Variants in HDX observed in about 807,000 individuals in gnomAD.
HDX encodes chromosome X open reading frame 43.
HDX carries 19 observed loss-of-function variants against 45.2 expected under a neutral mutation model. The observed-to-expected ratio is 0.42, with a 90% confidence interval of 0.29 to 0.62. HDX has a LOEUF of 0.62. HDX is among the 20% of genes least tolerant of loss of function. The pLI is 0.20. For missense variants in HDX, 532 were observed against 493.9 expected, an observed-to-expected ratio of 1.08 and a Z score of -0.73; for synonymous variants, 188 against 172.8, an observed-to-expected ratio of 1.09 and a Z score of -0.69.
At chrX:84,464,424 T>A (rs769112548) in intron 4 of HDX, among the ~76,000 whole-genome samples, 1 of 111,330 alleles carries the variant, frequency 9.0e-6, no homozygotes, top group Admixed American at 9.5e-5. Flanking sequence ...GACTTCAAAC[T>A]ACACTACAAG....
chrX:84,408,029 A>G (rs758404716), intron 5 of HDX, among the ~76,000 whole-genome samples: 1 of 111,797 alleles, frequency 8.9e-6, no homozygotes, highest in Non-Finnish European at 1.9e-5. Context: ...TTTGCAGTGC[A>G]GAAGCTCTTT....
intron 2 of HDX, among the ~76,000 whole-genome samples, chrX:84,475,848 A>C (rs1467710685): frequency 1.8e-5 from 2 of 111,739 alleles, no homozygotes; most frequent in Non-Finnish European, 3.8e-5. Flanking sequence ...ACTCTGGAAC[A>C]AAAGGGTGCG....
chrX:84,359,073 A>C (rs145320517), intron 6 of HDX, among the ~76,000 whole-genome samples: 9,252 of 111,109 alleles, frequency 0.083, 394 homozygotes, highest in East Asian at 0.26. Flanking sequence ...TTTTTCCTTA[A>C]AGAATTGATT....
At chrX:84,377,733 A>G (rs2038090812) in intron 5 of HDX, among the ~76,000 whole-genome samples, 1 of 111,060 alleles carries the variant, frequency 9.0e-6, no homozygotes, top group Admixed American at 9.6e-5. Context: ...ATAAGAAACA[A>G]TGAAGCACAA....
intron 4 of HDX, among the ~76,000 whole-genome samples, chrX:84,452,974 C>T (rs776985057): frequency 5.9e-4 from 66 of 112,021 alleles, no homozygotes; most frequent in Non-Finnish European, 7.3e-4. Context: ...ATAAAAGGGA[C>T]TAAATTAAAC....
At chrX:84,451,725 A>C (rs1338989091) in intron 4 of HDX, among the ~76,000 whole-genome samples, 2 of 111,350 alleles carry the variant, frequency 1.8e-5, no homozygotes, top group Admixed American at 9.6e-5. Context: ...TGCAAAAAAA[A>C]ACAAATATTT....
At chrX:84,407,963 T>A (rs939419856) in intron 5 of HDX, among the ~76,000 whole-genome samples, 61 of 111,818 alleles carry the variant, frequency 5.5e-4, no homozygotes, top group African/African-American at 1.9e-3. Flanking sequence ...GATGCATAGT[T>A]TGAAAATATC....
chrX:84,414,423 G>C (rs991043491), intron 5 of HDX, among the ~76,000 whole-genome samples: 1 of 111,606 alleles, frequency 9.0e-6, no homozygotes, highest in African/African-American at 3.3e-5. Flanking sequence ...CAGGGGTAGA[G>C]GGGAATAGAG....
chrX:84,371,385 C>T (rs1458724903), intron 5 of HDX, among the ~76,000 whole-genome samples: 1 of 111,857 alleles, frequency 8.9e-6, no homozygotes, highest in African/African-American at 3.2e-5. Flanking sequence ...CTTCTGAAAC[C>T]TACCCCACAT....
intron 9 of HDX, among the ~76,000 whole-genome samples, chrX:84,331,860 T>C (rs1209590073): frequency 1.8e-5 from 2 of 111,885 alleles, no homozygotes; most frequent in African/African-American, 6.5e-5. Context: ...ACCCTAGGTA[T>C]GTAGTAGGCT....
At chrX:84,486,353 T>C (rs2040789865) in intron 2 of HDX, among the ~76,000 whole-genome samples, 1 of 111,355 alleles carries the variant, frequency 9.0e-6, no homozygotes, top group South Asian at 3.7e-4. Context: ...ATAGACAATG[T>C]TATCATTTTT....
rs1430116708 is a variant in HDX, at chrX:84,475,356, A to G, written c.42T>C (p.Ile14=). ...RSVFTVEQQR[I]LQRYYENGMT... is the part of the protein sequence containing the mutation. ...TTCCATTTTCATAATAACGCTGTAA[A>G]ATCCTTTGTTGTTCTACAGTAAATA... The change falls in exon 3 of 11, where the codon ATT becomes ATC. Residue 14 remains isoleucine, a synonymous_variant. Transcript: ENST00000373177. The G allele has an allele frequency of 1.7e-6, 2 of 1,159,114 alleles. No individual in the cohort carries two copies. The highest frequency in any genetic ancestry group is 2.3e-6 in the Non-Finnish European group (2 of 855,071).
intron 5 of HDX, among the ~76,000 whole-genome samples, chrX:84,390,725 C>T (rs1217641691): frequency 1.8e-5 from 2 of 112,269 alleles, no homozygotes; most frequent in African/African-American, 3.2e-5. Flanking sequence ...AACTCATGCC[C>T]TTAAATTGTT....
chrX:84,369,742 C>T (rs2037848324), intron 5 of HDX, among the ~76,000 whole-genome samples: 1 of 112,144 alleles, frequency 8.9e-6, no homozygotes, highest in African/African-American at 3.2e-5. Context: ...ACTTGTACAT[C>T]TTTTTTGGAG....
intron 5 of HDX, among the ~76,000 whole-genome samples, chrX:84,413,217 ACT>A (rs775240037): frequency 1.8e-5 from 2 of 111,357 alleles, no homozygotes; most frequent in Non-Finnish European, 3.8e-5. Flanking sequence ...GAACTAAGAC[ACT>A]CTGGCTTTTT....
chrX:84,395,854 A>G (rs746578831), intron 5 of HDX, among the ~76,000 whole-genome samples: 2 of 111,738 alleles, frequency 1.8e-5, no homozygotes, highest in African/African-American at 3.2e-5. Context: ...GATTTAATCA[A>G]TTATTAAAAC....
At chrX:84,494,489 A>T (rs1269314202) in intron 1 of HDX, among the ~76,000 whole-genome samples, 4 of 112,196 alleles carry the variant, frequency 3.6e-5, no homozygotes, top group Non-Finnish European at 7.5e-5. Context: ...TAATTATCTT[A>T]CAACTCTCAT....
intron 5 of HDX, among the ~76,000 whole-genome samples, chrX:84,433,024 A>T (rs944090165): frequency 2.7e-5 from 3 of 110,192 alleles, no homozygotes; most frequent in African/African-American, 9.9e-5. Context: ...TAAAAATTTG[A>T]TTTTTTTTCT....
At chrX:84,400,239 A>G (rs1466286313) in intron 5 of HDX, among the ~76,000 whole-genome samples, 2 of 110,251 alleles carry the variant, frequency 1.8e-5, no homozygotes, top group Non-Finnish European at 3.8e-5. Flanking sequence ...AATAAAGGGC[A>G]TTCAAATAGA....
Sources: gnomAD v4.1 joint callset for allele counts (sites outside exome capture counted in the v4.1 genomes callset) on GRCh38, gnomAD v4.1.1 for gene constraint, MANE v1.5 for transcripts, NCBI Gene and HGNC (gene_info 2026-07-23, HGNC 2026-07-21) for gene names.